Variants in MBNL1 observed in about 807,000 individuals in gnomAD.
The protein encoded by MBNL1 is muscleblind-like protein 1.
Under a neutral mutation model 42.2 loss-of-function variants are expected in MBNL1, and 8 were observed. The observed-to-expected ratio is 0.19, with a 90% CI of 0.11 to 0.34. The LOEUF (loss-of-function observed/expected upper bound fraction) is 0.34. MBNL1 is among the 10% of genes least tolerant of loss of function. The pLI is 1.00. For missense variants in MBNL1, 309 were observed against 495.3 expected (o/e 0.62, Z 3.57); for synonymous variants, 169 against 173.9 (o/e 0.97, Z 0.22).
intron 2 of MBNL1, among the ~76,000 whole-genome samples, chr3:152,245,016 T>C (rs966646108): frequency 6.6e-6 from 1 of 152,070 alleles, no homozygotes; most frequent in African/African-American, 2.4e-5. Flanking sequence ...GACTTAAAAT[T>C]TTAAATGAAA....
At chr3:152,406,953 TA>T (rs2098443770) in intron 2 of MBNL1, among the ~76,000 whole-genome samples, 2 of 152,112 alleles carry the variant, frequency 1.3e-5, no homozygotes, top group South Asian at 4.1e-4. Flanking sequence ...CAGGCCATGG[TA>T]AAGTTACAAA....
chr3:152,398,314 G>A (rs1362985070), intron 2 of MBNL1, among the ~76,000 whole-genome samples: 22 of 151,832 alleles, frequency 1.4e-4, no homozygotes, highest in Non-Finnish European at 2.9e-4. Context: ...TTATGTTAGT[G>A]CATGTAATAT....
At chr3:152,259,938 A>G (rs1203426498) in intron 2 of MBNL1, among the ~76,000 whole-genome samples, 1 of 152,160 alleles carries the variant, frequency 6.6e-6, no homozygotes, top group African/African-American at 2.4e-5. Context: ...TCATTCACTA[A>G]ATTTTGCACA....
intron 2 of MBNL1, among the ~76,000 whole-genome samples, chr3:152,349,819 A>T (rs1340936866): frequency 1.3e-5 from 2 of 151,912 alleles, no homozygotes; most frequent in East Asian, 1.9e-4. Context: ...ATTTCTCATC[A>T]TGTAGATAGG....
At chr3:152,365,106 A>G (rs2096271698) in intron 2 of MBNL1, among the ~76,000 whole-genome samples, 1 of 152,098 alleles carries the variant, frequency 6.6e-6, no homozygotes, top group Non-Finnish European at 1.5e-5. Flanking sequence ...AAGCATTTTA[A>G]TTATGCTACA....
In MBNL1 at chr3:152,432,824, G is replaced by A. The variant is rs2099023936; in HGVS notation, c.453G>A (p.Pro151=). 3.7e-6 allele frequency: 6 copies of A among 1,614,140 alleles called. No individual in the cohort carries two copies. Among genetic ancestry groups the A allele is most frequent in the East Asian group, 2.2e-5 (1 of 44,882 alleles). The change falls in exon 4 of 10, where the codon CCG becomes CCA. Residue 151 remains proline (P), a synonymous_variant. Transcript: ENST00000324210. The stretch of plus-strand genomic sequence containing the variant: ...GCCTGGTCCCGGCAGAGATCTTGCC[G>A]ACTGCACCAATGTTGGTTACAGGGA... The part of the protein sequence containing the change: ...SPSLVPAEIL[P]TAPMLVTGNP...
At chr3:152,427,824 A>G (rs983573101) in intron 3 of MBNL1, among the ~76,000 whole-genome samples, 1 of 151,238 alleles carries the variant, frequency 6.6e-6, no homozygotes, top group Admixed American at 6.6e-5. Flanking sequence ...CTTTATATAC[A>G]TACATAAAAT....
At chr3:152,344,515 A>AACTTAAACTGAGAGTAAAACTCAAC (rs2093898650) in intron 2 of MBNL1, among the ~76,000 whole-genome samples, 1 of 152,138 alleles carries the variant, frequency 6.6e-6, no homozygotes, top group Non-Finnish European at 1.5e-5. Context: ...TTGTTTAGAA[A>AACTTAAACTGAGAGTAAAACTCAAC]ACTTAAACTG....
intron 2 of MBNL1, among the ~76,000 whole-genome samples, chr3:152,405,743 C>G (rs948677171): frequency 6.6e-6 from 1 of 152,058 alleles, no homozygotes; most frequent in Non-Finnish European, 1.5e-5. Context: ...AGTAATGGTA[C>G]AATGATAAAT....
At chr3:152,434,274 G>A (rs2099049235) in intron 4 of MBNL1, among the ~76,000 whole-genome samples, 1 of 152,058 alleles carries the variant, frequency 6.6e-6, no homozygotes, top group South Asian at 2.1e-4. Context: ...TCATCATTTA[G>A]CCCCCACTTA....
chr3:152,258,769 A>G (rs1353191169), intron 2 of MBNL1, among the ~76,000 whole-genome samples: 1 of 152,234 alleles, frequency 6.6e-6, no homozygotes, highest in African/African-American at 2.4e-5. Flanking sequence ...CATGGGAAGG[A>G]AAATGCCCAA....
At chr3:152,249,735 G>A (rs1471049733) in intron 2 of MBNL1, among the ~76,000 whole-genome samples, 1 of 140,330 alleles carries the variant, frequency 7.1e-6, no homozygotes, top group Non-Finnish European at 1.6e-5. Flanking sequence ...TTTCTTCTAG[G>A]GTTTTTATGG....
intron 2 of MBNL1, among the ~76,000 whole-genome samples, chr3:152,311,000 A>ATT (rs2066083547): frequency 8.2e-6 from 1 of 122,568 alleles, no homozygotes; most frequent in African/African-American, 3.1e-5. Context: ...GAACCATGAG[A>ATT]CTTTTTTTTT....
chr3:152,393,402 C>T (rs2097795745), intron 2 of MBNL1, among the ~76,000 whole-genome samples: 1 of 152,144 alleles, frequency 6.6e-6, no homozygotes, highest in Admixed American at 6.6e-5. Flanking sequence ...AATTTTAGGC[C>T]TTTTACTTTC....
At position 152,247,848 on chromosome 3, in the gene MBNL1, A is replaced by T. The variant is rs370560038; in HGVS notation, n.333+3408A>T. ...TGCATATTTAAATCCAAATTTAAATAAAAATGTCATTAGAATCATTCATTA... is the reference window on the plus strand; with the variant it reads ...TGCATATTTAAATCCAAATTTAAATTAAAATGTCATTAGAATCATTCATTA... On this transcript the variant is annotated intron_variant and non_coding_transcript_variant, in intron 2 of 2. Coordinates refer to the MBNL1 transcript ENST00000477171. Among the ~76,000 whole-genome samples the T allele has an allele frequency of 5.9e-5, 9 of 152,180 alleles. No homozygotes were observed. The East Asian group carries it at 1.2e-3, about 20-fold the overall frequency.
chr3:152,328,269 A>G (rs970605555), intron 2 of MBNL1, among the ~76,000 whole-genome samples: 1 of 152,154 alleles, frequency 6.6e-6, no homozygotes, highest in Admixed American at 6.6e-5. Context: ...ATTTTCTCCA[A>G]AGGATCCTGT....
At chr3:152,286,482 A>ATT (rs2052213999) in intron 1 of MBNL1, among the ~76,000 whole-genome samples, 1 of 88,410 alleles carries the variant, frequency 1.1e-5, no homozygotes. Flanking sequence ...TATAATATAA[A>ATT]TATATTTTAT....
At chr3:152,347,581 A>G (rs1253460854) in intron 2 of MBNL1, among the ~76,000 whole-genome samples, 1 of 152,148 alleles carries the variant, frequency 6.6e-6, no homozygotes, top group Non-Finnish European at 1.5e-5. Flanking sequence ...AATGGAAGTC[A>G]GGAGCTTTAC....
intron 9 of MBNL1, among the ~76,000 whole-genome samples, chr3:152,459,983 G>T (rs536074962): frequency 1.4e-4 from 22 of 151,856 alleles, no homozygotes; most frequent in Non-Finnish European, 3.1e-4. Context: ...GCTAAGCGTG[G>T]TGGCTCACAC....
Sources: gnomAD v4.1 joint callset for allele counts (sites outside exome capture counted in the v4.1 genomes callset) on GRCh38, gnomAD v4.1.1 for gene constraint, MANE v1.5 for transcripts, NCBI Gene and HGNC (gene_info 2026-07-23, HGNC 2026-07-21) for gene names.